The following MOSPD1 variants were observed in gnomAD, a reference collection of about 807,000 sequenced individuals.
MOSPD1 encodes motile sperm domain-containing protein 1.
MOSPD1 carries 5 observed loss-of-function variants against 16.7 expected under a neutral mutation model. The ratio of observed to expected loss-of-function variants is 0.30; its 90% CI spans 0.16 to 0.63. MOSPD1 has a LOEUF of 0.63. MOSPD1 is among the 30% of genes least tolerant of loss of function. MOSPD1 has a pLI of 0.82. For synonymous variants in MOSPD1, 67 were observed against 59.2 expected (o/e 1.13, Z -0.61); for missense variants, 104 against 153.6 (o/e 0.68, Z 1.71).
At chrX:134,913,141 A>AGG (rs200570945) in intron 1 of MOSPD1, among the ~76,000 whole-genome samples, 5 of 110,161 alleles carry the variant, frequency 4.5e-5, no homozygotes, top group African/African-American at 1.7e-4. Flanking sequence ...TGGGAGACCG[A>AGG]GGGGGGGCAG....
In MOSPD1 at chrX:134,897,022, A is replaced by G. The variant is rs766593373; in HGVS notation, c.243T>C (p.His81=). ...PQCCVDIVIR[H]RDVRSCHYGV... is the part of the protein sequence containing the mutation. ...CATAGTGACAGGATCGAACATCTCGATGACGAATCACACTGAAAACAGCAA... is the reference window on the plus strand; with the variant it reads ...CATAGTGACAGGATCGAACATCTCGGTGACGAATCACACTGAAAACAGCAA... Residue 81 remains histidine (H), a synonymous_variant, in exon 4 of 6, where the codon CAT becomes CAC. Coordinates refer to ENST00000370783, the MANE Select transcript of MOSPD1 (RefSeq NM_019556.3). 1.7e-6 allele frequency: 2 copies of G among 1,198,406 alleles called. No homozygotes were observed. Among genetic ancestry groups the G allele is most frequent in the Non-Finnish European group, 2.3e-6 (2 of 886,005 alleles).
intron 1 of MOSPD1, among the ~76,000 whole-genome samples, chrX:134,911,290 A>G (rs2082970003): frequency 8.9e-6 from 1 of 112,338 alleles, no homozygotes; most frequent in South Asian, 3.6e-4. Flanking sequence ...AAACTGTTGA[A>G]TGAATGTGGC....
intron 4 of MOSPD1, among the ~76,000 whole-genome samples, chrX:134,896,161 G>A (rs1176434986): frequency 1.8e-5 from 2 of 111,434 alleles, no homozygotes; most frequent in Non-Finnish European, 3.8e-5. Flanking sequence ...AGGAGATAAT[G>A]AGAAGTTAAG....
chrX:134,889,243 T>C, intron 5 of MOSPD1, 51 bp from the exon 6 acceptor site: 1 of 983,804 alleles, frequency 1.0e-6, no homozygotes, highest in Non-Finnish European at 1.4e-6. Context: ...TAACAGAATC[T>C]TTCATTCAAT....
intron 3 of MOSPD1, among the ~76,000 whole-genome samples, chrX:134,897,565 A>G (rs866241956): frequency 1.1e-3 from 83 of 74,640 alleles, no homozygotes; most frequent in Middle Eastern, 6.9e-3. Context: ...AAAAAAAAAA[A>G]AAAGAAAGAA....
At position 134,902,849 on chromosome X, in the gene MOSPD1, C is replaced by CAAA. The variant is rs779709545; in HGVS notation, c.-101-3318_-101-3316dup. 1.1e-3 allele frequency among the ~76,000 whole-genome samples: 73 copies of CAAA among 65,288 alleles called. 1 individual carries two copies. The highest frequency in any genetic ancestry group is 1.6e-3 in the African/African-American group (31 of 19,008). 56.7% of individuals were successfully genotyped at this position (65,288 alleles called of 115,157 possible). ...AGATTACCAAGTTCCTGGGTTTATA[C>CAAA]AAAAAAAAAAAAAACCAAAAAAAAA... On this transcript the variant is annotated intron_variant, in intron 1 of 5. Transcript: ENST00000370783.
chrX:134,915,161 G>C (rs2082991760), intron 1 of MOSPD1, 21 bp downstream of exon 1: 1 of 112,635 alleles, frequency 8.9e-6, no homozygotes, highest in South Asian at 3.6e-4. Flanking sequence ...AGTGGGTGAC[G>C]GGACGGTGGG....
At position 134,899,342 on chromosome X, in the gene MOSPD1, T is replaced by TGATC; in HGVS notation, c.88_91dup (p.Gln31ArgfsTer6). The TGATC allele has an allele frequency of 1.7e-6, 2 of 1,198,182 alleles. No homozygotes were observed. The highest frequency in any genetic ancestry group is 2.2e-6 in the Non-Finnish European group (2 of 890,700). ...TGTCAACACTTGCTTATGTGTTGACTGATCATCTGCATAAAATATGAGCTC... is the reference window on the plus strand; with the variant it reads ...TGTCAACACTTGCTTATGTGTTGACTGATCGATCATCTGCATAAAATATGAGCTC... On this transcript the variant is annotated frameshift_variant, in exon 2 of 6. Coordinates refer to ENST00000370783, the MANE Select transcript of MOSPD1 (RefSeq NM_019556.3). LOFTEE classifies it high-confidence loss of function.
chrX:134,892,535 T>C (rs1293044911), intron 4 of MOSPD1, among the ~76,000 whole-genome samples: 1 of 112,520 alleles, frequency 8.9e-6, no homozygotes, highest in East Asian at 2.8e-4. Context: ...ACCAATATTT[T>C]ATTTACATGA....
At chrX:134,909,123 T>C (rs2082957699) in intron 1 of MOSPD1, among the ~76,000 whole-genome samples, 4 of 109,236 alleles carry the variant, frequency 3.7e-5, no homozygotes, top group African/African-American at 1.0e-4. Flanking sequence ...AAAAAAAAAT[T>C]AGCCGGGAGT....
At chrX:134,911,097 C>G (rs2082969131) in intron 1 of MOSPD1, among the ~76,000 whole-genome samples, 1 of 111,984 alleles carries the variant, frequency 8.9e-6, no homozygotes, top group African/African-American at 3.2e-5. Flanking sequence ...CTCCTGGCCT[C>G]AAGCAACCTT....
intron 1 of MOSPD1, among the ~76,000 whole-genome samples, chrX:134,907,832 G>A (rs1261622457): frequency 1.8e-5 from 2 of 112,947 alleles, no homozygotes; most frequent in Admixed American, 9.3e-5. Context: ...GCATTGGCAC[G>A]ATCTCAGCTC....
intron 4 of MOSPD1, among the ~76,000 whole-genome samples, chrX:134,895,170 T>C (rs188091706): frequency 7.6e-4 from 84 of 109,948 alleles, no homozygotes; most frequent in Non-Finnish European, 1.3e-3. Flanking sequence ...CTGGGCAACA[T>C]AGCGAGACCC....
At chrX:134,895,985 G>A (rs902406442) in intron 4 of MOSPD1, among the ~76,000 whole-genome samples, 5 of 110,899 alleles carry the variant, frequency 4.5e-5, no homozygotes, top group African/African-American at 1.6e-4. Flanking sequence ...AAACTGATAC[G>A]ACTGAATGTA....
Position 134,889,195 on chromosome X carries a change from GAA to G in MOSPD1, c.611-5_611-4del. On this transcript the variant is annotated splice_polypyrimidine_tract_variant and splice_region_variant and intron_variant, in intron 5 of 5. Coordinates refer to ENST00000370783, the MANE Select transcript of MOSPD1 (RefSeq NM_019556.3). ...AAGTATGGCCATTGTGATAAGACCT[GAA>G]AGAAGAAAAATGGAGAACAGTTAAA... 1 of 1,186,116 alleles carries G rather than the reference GAA, an allele frequency of 8.4e-7. No individual in the cohort carries two copies. Among genetic ancestry groups the G allele is most frequent in the Non-Finnish European group, 1.1e-6 (1 of 879,357 alleles).
intron 1 of MOSPD1, among the ~76,000 whole-genome samples, chrX:134,908,995 C>T (rs771476634): frequency 1.1e-4 from 12 of 110,655 alleles, no homozygotes; most frequent in African/African-American, 2.7e-4. Flanking sequence ...AGGCCGGGCG[C>T]GGTGGCTCAC....
chrX:134,913,748 C>T (rs1433321767), intron 1 of MOSPD1, among the ~76,000 whole-genome samples: 6 of 111,484 alleles, frequency 5.4e-5, no homozygotes, highest in Non-Finnish European at 1.1e-4. Context: ...CACAGCTATC[C>T]CTTACAGAGT....
intron 1 of MOSPD1, among the ~76,000 whole-genome samples, chrX:134,904,614 C>T (rs916747688): frequency 9.0e-6 from 1 of 111,178 alleles, no homozygotes; most frequent in Non-Finnish European, 1.9e-5. Flanking sequence ...GTAATCTTAG[C>T]GCTTTGGGAG....
intron 1 of MOSPD1, among the ~76,000 whole-genome samples, chrX:134,907,000 G>A (rs1018275872): frequency 6.3e-5 from 7 of 111,305 alleles, no homozygotes; most frequent in African/African-American, 2.3e-4. Context: ...AAGCTGAGGC[G>A]GGCAGATCAC....
Sources: allele counts gnomAD v4.1 joint callset (sites outside exome capture counted in the v4.1 genomes callset), GRCh38; gene constraint gnomAD v4.1.1; transcripts MANE v1.5; gene names NCBI Gene and HGNC (gene_info 2026-07-23, HGNC 2026-07-21).